Variants in ANKS1B observed in about 807,000 individuals in gnomAD.
The protein encoded by ANKS1B is ankyrin repeat and sterile alpha motif domain containing 1B.
In ANKS1B, 36 loss-of-function variants were observed where a neutral mutation model predicts 148.3. The ratio of observed to expected loss-of-function variants is 0.24; its 90% CI spans 0.19 to 0.32. ANKS1B has a LOEUF of 0.32. Among genes scored for constraint, ANKS1B ranks in the 10% least tolerant of loss-of-function variants. The probability of loss-of-function intolerance (pLI) is 1.00; values close to 1 mark genes in which losing one functional copy is unlikely to be tolerated. For synonymous variants in ANKS1B, 542 were observed against 560.8 expected (o/e 0.97, Z 0.47); for missense variants, 1,157 against 1,542.6 (o/e 0.75, Z 4.19).
chr12:99,215,347 T>C (rs1166864852), intron 14 of ANKS1B, among the ~76,000 whole-genome samples: 1 of 151,940 alleles, frequency 6.6e-6, no homozygotes, highest in East Asian at 1.9e-4. Flanking sequence ...AAATGTGGGG[T>C]CAGATCCCCC....
chr12:98,781,367 A>G (rs781205642), intron 23 of ANKS1B, 164 bp from the exon 24 acceptor site: 1 of 678,850 alleles, frequency 1.5e-6, no homozygotes, highest in Non-Finnish European at 2.7e-6. Flanking sequence ...CGCACACTCT[A>G]ATTTTAATGT....
chr12:99,846,818 T>G (rs2153702514), intron 1 of ANKS1B, among the ~76,000 whole-genome samples: 1 of 152,228 alleles, frequency 6.6e-6, no homozygotes, highest in Non-Finnish European at 1.5e-5. Context: ...AGAAATCTTT[T>G]GAGAGATATG....
At chr12:99,342,196 T>C (rs2090021687) in intron 12 of ANKS1B, among the ~76,000 whole-genome samples, 4 of 152,004 alleles carry the variant, frequency 2.6e-5, no homozygotes, top group Non-Finnish European at 5.9e-5. Flanking sequence ...TAAAAAGATA[T>C]ATGAAAATAA....
intron 9 of ANKS1B, among the ~76,000 whole-genome samples, chr12:99,636,900 A>C (rs1438430022): frequency 6.6e-6 from 1 of 152,262 alleles, no homozygotes; most frequent in Non-Finnish European, 1.5e-5. Flanking sequence ...GAAAAATATA[A>C]GAAGTAAAAA....
At chr12:99,690,161 GAGAACAGCAT>G (rs1380422002) in intron 8 of ANKS1B, among the ~76,000 whole-genome samples, 1 of 152,084 alleles carries the variant, frequency 6.6e-6, no homozygotes, top group Non-Finnish European at 1.5e-5. Context: ...TCACTATCAT[GAGAACAGCAT>G]AGGGGAAACC....
downstream of ANKS1B, among the ~76,000 whole-genome samples, chr12:98,742,282 G>A (rs567773314): frequency 6.6e-6 from 1 of 151,982 alleles, no homozygotes; most frequent in East Asian, 1.9e-4. Flanking sequence ...ATTTCAGCCT[G>A]ATGTGTAAGT....
rs187165691 is a variant in ANKS1B at position 99,588,372 on chromosome 12, A to T, written c.1272+66695T>A. Among the ~76,000 whole-genome samples, 280 of 152,252 alleles carry T rather than the reference A, an allele frequency of 1.8e-3. 1 individual carries two copies. Among genetic ancestry groups the T allele is most frequent in the Non-Finnish European group, 3.6e-3 (247 of 68,016 alleles). On this transcript the variant is annotated intron_variant, in intron 9 of 26. Transcript: ENST00000683438. ...TGAAAGAAAGTCTATGATGATTAAT[A>T]AAAGTCTGTTAGAAATTTGTGTTCA...
At chr12:99,507,977 T>C (rs1275817819) in intron 9 of ANKS1B, among the ~76,000 whole-genome samples, 1 of 151,908 alleles carries the variant, frequency 6.6e-6, no homozygotes, top group East Asian at 1.9e-4. Context: ...TTTCTGAGCT[T>C]TGTGTTTTTA....
intron 11 of ANKS1B, among the ~76,000 whole-genome samples, chr12:99,402,006 T>C (rs1387793174): frequency 1.4e-5 from 2 of 146,886 alleles, no homozygotes; most frequent in African/African-American, 2.6e-5. Context: ...ACACAGGTCA[T>C]ATTTTCCACA....
intron 8 of ANKS1B, among the ~76,000 whole-genome samples, chr12:99,689,068 A>G (rs949460783): frequency 6.6e-6 from 1 of 152,100 alleles, no homozygotes; most frequent in African/African-American, 2.4e-5. Flanking sequence ...TCTTCCCCCA[A>G]TTCACAATCC....
At chr12:99,114,375 C>T (rs1010026426) in intron 15 of ANKS1B, among the ~76,000 whole-genome samples, 1 of 152,158 alleles carries the variant, frequency 6.6e-6, no homozygotes, top group Non-Finnish European at 1.5e-5. Flanking sequence ...AAACTATCAA[C>T]AGAGTAAATA....
chr12:98,864,935 T>A (rs2099616962), intron 17 of ANKS1B, among the ~76,000 whole-genome samples: 1 of 152,204 alleles, frequency 6.6e-6, no homozygotes, highest in Admixed American at 6.5e-5. Context: ...CAGGATAAAC[T>A]TGAAGATACT....
chr12:99,515,341 C>G (rs1446128687), intron 9 of ANKS1B, among the ~76,000 whole-genome samples: 1 of 152,050 alleles, frequency 6.6e-6, no homozygotes, highest in African/African-American at 2.4e-5. Context: ...TTCTTCCCAG[C>G]CTCTGGAAAC....
chr12:99,929,203 T>C (rs1249203004), intron 1 of ANKS1B, among the ~76,000 whole-genome samples: 1 of 152,216 alleles, frequency 6.6e-6, no homozygotes, highest in East Asian at 1.9e-4. Context: ...CTCAATCTCA[T>C]TGCCATTAAG....
chr12:99,702,329 G>T (rs1600096922), intron 8 of ANKS1B, among the ~76,000 whole-genome samples: 1 of 152,176 alleles, frequency 6.6e-6, no homozygotes, highest in East Asian at 1.9e-4. Flanking sequence ...TTGGCCATTT[G>T]TATGTCTTCT....
intron 12 of ANKS1B, among the ~76,000 whole-genome samples, chr12:99,251,319 GAC>G (rs1169413587): frequency 6.6e-6 from 1 of 151,998 alleles, no homozygotes; most frequent in Non-Finnish European, 1.5e-5. Flanking sequence ...AACTGTATTA[GAC>G]ACTCAATAAA....
chr12:99,344,049 C>T (rs1302234837), intron 12 of ANKS1B, among the ~76,000 whole-genome samples: 2 of 151,964 alleles, frequency 1.3e-5, no homozygotes, highest in Non-Finnish European at 2.9e-5. Flanking sequence ...TTGTGTTAGA[C>T]CAATGGGATT....
chr12:99,532,919 C>T (rs2097016692), intron 9 of ANKS1B, among the ~76,000 whole-genome samples: 1 of 152,108 alleles, frequency 6.6e-6, no homozygotes, highest in Non-Finnish European at 1.5e-5. Context: ...ATTTTGGTTA[C>T]TATTATAGCC....
intron 12 of ANKS1B, among the ~76,000 whole-genome samples, chr12:99,269,247 CA>C (rs1319871162): frequency 2.6e-5 from 4 of 152,182 alleles, no homozygotes; most frequent in East Asian, 1.9e-4. Context: ...CAAGCAAATA[CA>C]TTTTTTTATT....
Sources: gnomAD v4.1 joint callset for allele counts (sites outside exome capture counted in the v4.1 genomes callset) on GRCh38, gnomAD v4.1.1 for gene constraint, MANE v1.5 for transcripts, NCBI Gene and HGNC (gene_info 2026-07-23, HGNC 2026-07-21) for gene names.